Variants in ZBTB40 observed in about 807,000 individuals in gnomAD.
ZBTB40 encodes zinc finger and BTB domain containing 40.
Under a neutral mutation model 117.5 loss-of-function variants are expected in ZBTB40, and 60 were observed. The observed-to-expected ratio is 0.51, with a 90% CI of 0.41 to 0.63. The LOEUF is 0.63. Among genes scored for constraint, ZBTB40 ranks in the 30% least tolerant of loss-of-function variants. The probability of loss-of-function intolerance (pLI) is 0.00; values close to 1 mark genes in which losing one functional copy is unlikely to be tolerated. For missense variants in ZBTB40, 1,287 were observed against 1,498.5 expected (o/e 0.86, Z 2.33); for synonymous variants, 525 against 577.1 (o/e 0.91, Z 1.29).
intron 8 of ZBTB40, 54 bp downstream of exon 8, chr1:22,508,785 T>G: frequency 6.4e-7 from 1 of 1,561,116 alleles, no homozygotes; most frequent in South Asian, 1.1e-5. Context: ...TGACTGTCAG[T>G]CTTCCTAGAA....
intron 1 of ZBTB40, among the ~76,000 whole-genome samples, chr1:22,475,993 T>G (rs1437641909): frequency 6.6e-6 from 1 of 152,210 alleles, no homozygotes; most frequent in African/African-American, 2.4e-5. Flanking sequence ...CCCCTTACCC[T>G]CTAGTAGTAG....
chr1:22,429,981 G>C (rs1184807592), intron 1 of ZBTB40, among the ~76,000 whole-genome samples: 4 of 152,166 alleles, frequency 2.6e-5, no homozygotes, highest in African/African-American at 9.7e-5. Context: ...TGGGCAACAA[G>C]AGTGAAACTC....
intron 9 of ZBTB40, among the ~76,000 whole-genome samples, chr1:22,510,961 A>T (rs577057097): frequency 1.5e-4 from 23 of 152,236 alleles, no homozygotes; most frequent in African/African-American, 5.1e-4. Context: ...TTGCACATTT[A>T]TCTGGATACA....
At chr1:22,482,838 G>A (rs1368773991) in intron 1 of ZBTB40, among the ~76,000 whole-genome samples, 2 of 152,130 alleles carry the variant, frequency 1.3e-5, no homozygotes, top group Admixed American at 1.3e-4. Context: ...CAGCACTTTG[G>A]GAGGCCGAGG....
intron 1 of ZBTB40, among the ~76,000 whole-genome samples, chr1:22,458,185 G>A (rs1641046558): frequency 6.6e-6 from 1 of 152,224 alleles, no homozygotes; most frequent in Non-Finnish European, 1.5e-5. Context: ...GTGGCTTTCA[G>A]CTTCATTCCT....
chr1:22,429,992 C>G (rs1261191056), intron 1 of ZBTB40, among the ~76,000 whole-genome samples: 1 of 151,726 alleles, frequency 6.6e-6, no homozygotes, highest in African/African-American at 2.4e-5. Context: ...AGTGAAACTC[C>G]GTCTCAAAAA....
intron 1 of ZBTB40, among the ~76,000 whole-genome samples, chr1:22,477,648 C>CA (rs773354092): frequency 0.01 from 670 of 66,384 alleles, 1 homozygote; most frequent in East Asian, 0.038. Context: ...GACTCTGTCT[C>CA]AAAAAAAAAA....
Position 22,511,829 on chromosome 1 carries a change from G to A in ZBTB40, c.2156G>A (p.Gly719Glu). The A allele has an allele frequency of 1.2e-6, 2 of 1,614,156 alleles. No homozygotes were observed. The highest frequency in any genetic ancestry group is 1.7e-6 in the Non-Finnish European group (2 of 1,180,016). Residue 719 changes from glycine to glutamate, a missense_variant, in exon 11 of 18, where the codon GGA becomes GAA. Gly to Glu is a moderately conservative substitution (Grantham distance 98). Coordinates refer to ENST00000375647, the MANE Select transcript of ZBTB40 (RefSeq NM_014870.4). ...CAAGGAGAGACTGGTTCCTTGCCAG[G>A]ACAGCAAGAGAAAGAGGCTTCAGCC... ...NDQGETGSLP[G>E]QQEKEASASP...
chr1:22,526,617 C>CA lies in ZBTB40; in HGVS notation c.*222dup, dbSNP rs1283259593. ...CAACAGCACCATCCTCTGTAGCAGA[C>CA]AGGCCTCCCTCCCCACAGGCCCGCT... On this transcript the variant is annotated 3_prime_UTR_variant, in exon 18 of 18. Transcript: ENST00000375647. The CA allele has an allele frequency of 1.7e-6, 1 of 577,540 alleles. No homozygotes were observed. Among genetic ancestry groups the CA allele is most frequent in the Non-Finnish European group, 3.1e-6 (1 of 321,374 alleles). The allele number at this position is 577,540 out of a possible 1,614,324, so 35.8% of individuals were successfully genotyped here.
intron 9 of ZBTB40, among the ~76,000 whole-genome samples, 153 bp downstream of exon 9, chr1:22,509,386 G>A (rs575760003): frequency 2.6e-5 from 4 of 151,768 alleles, no homozygotes; most frequent in South Asian, 2.1e-4. Context: ...TTGCTCTGTC[G>A]CCCAGGCTGC....
rs80194783 is a variant in ZBTB40, at chr1:22,440,551, C to T, written c.-70+11537C>T. On this transcript the variant is annotated intron_variant, in intron 1 of 8. Transcript: ENST00000650433. ...AAAAGTGGAGATCCTTGTCTTGTTC[C>T]TGATCCTAAGGAAGAGCTTTCAGTC... Among the ~76,000 whole-genome samples the T allele has an allele frequency of 1.2e-3, 180 of 152,282 alleles. 3 individuals are homozygous for T. The East Asian group carries it at 0.031, about 27-fold the overall frequency.
rs372905476 is a variant in ZBTB40 at position 22,469,558 on chromosome 1, T to A, written c.-70+17554T>A. Among the ~76,000 whole-genome samples the A allele has an allele frequency of 3.9e-4, 59 of 152,216 alleles. 1 individual carries two copies. Among genetic ancestry groups the A allele is most frequent in the African/African-American group, 1.3e-3 (56 of 41,522 alleles). On this transcript the variant is annotated intron_variant, in intron 1 of 17. Transcript: ENST00000375647. ...TGATAGGGTTTTTTTGTTTTTTTGT[T>A]TTTTGTTTTTTTTTATGAGACGGAG...
chr1:22,496,946 C>T (rs898544671), intron 3 of ZBTB40, among the ~76,000 whole-genome samples: 2 of 152,184 alleles, frequency 1.3e-5, no homozygotes, highest in Non-Finnish European at 2.9e-5. Flanking sequence ...GTAGGGAAAC[C>T]GGCAGTGCAG....
intron 6 of ZBTB40, among the ~76,000 whole-genome samples, chr1:22,507,731 A>G (rs1231732321): frequency 1.3e-5 from 2 of 152,204 alleles, no homozygotes; most frequent in East Asian, 1.9e-4. Flanking sequence ...ACAGCCTTCT[A>G]ATTACCCCCC....
Position 22,491,523 on chromosome 1 carries a change from C to T in ZBTB40, c.821C>T (p.Pro274Leu), listed in dbSNP as rs1287071577. The change falls in exon 3 of 18, where the codon CCA (proline) becomes CTA (leucine). Residue 274 changes from proline (P) to leucine (L), a missense_variant. Pro to Leu is a moderately conservative substitution (Grantham distance 98). Coordinates refer to ENST00000375647, the MANE Select transcript of ZBTB40 (RefSeq NM_014870.4). ...KLEMCSEIKG[P>L]QKEMIVKCFE... is the part of the protein sequence containing the mutation. ...GAAATGTGTTCAGAAATTAAAGGTCCACAGAAGGAGGTAGGCACCTCTGAC... is the reference window on the plus strand; with the variant it reads ...GAAATGTGTTCAGAAATTAAAGGTCTACAGAAGGAGGTAGGCACCTCTGAC... The T allele has an allele frequency of 6.2e-7, 1 of 1,613,720 alleles. No homozygotes were observed. Among genetic ancestry groups the T allele is most frequent in the East Asian group, 2.2e-5 (1 of 44,856 alleles).
intron 1 of ZBTB40, among the ~76,000 whole-genome samples, chr1:22,466,399 T>C (rs1450051989): frequency 6.6e-6 from 1 of 152,172 alleles, no homozygotes; most frequent in South Asian, 2.1e-4. Context: ...AGATATATAC[T>C]AGGAGTGGAA....
chr1:22,468,643 C>CTT (rs71020424), intron 1 of ZBTB40, among the ~76,000 whole-genome samples: 937 of 28,506 alleles, frequency 0.033, 77 homozygotes, highest in East Asian at 0.13. Context: ...GCCTGGCTGG[C>CTT]TTTTTTTTTT....
rs1639762555 is a variant in ZBTB40 at position 22,529,124 on chromosome 1, T to C, written c.*2728T>C. 6.6e-6 allele frequency: 1 copy of C among 152,410 alleles called. No homozygotes were observed. The allele number at this position is 152,410 out of a possible 1,614,324, so 9.4% of individuals were successfully genotyped here. A position where few individuals can be genotyped will look rare whatever the true frequency, so the allele number is the denominator to read the frequency against. The stretch of plus-strand genomic sequence containing the variant: ...AGGCATGGATCTTATAGGAAAACTT[T>C]CTGACTCTGCTTGGCCATTTTATCC... On this transcript the variant is annotated 3_prime_UTR_variant, in exon 18 of 18. Coordinates refer to ENST00000375647, the MANE Select transcript of ZBTB40 (RefSeq NM_014870.4).
intron 1 of ZBTB40, among the ~76,000 whole-genome samples, chr1:22,445,854 CA>C (rs139091527): frequency 0.89 from 97,619 of 109,258 alleles, 43,500 homozygotes; most frequent in South Asian, 0.96. Context: ...GACTCCGTCT[CA>C]AAAAAAAAAA....
Sources: allele counts gnomAD v4.1 joint callset (sites outside exome capture counted in the v4.1 genomes callset), GRCh38; gene constraint gnomAD v4.1.1; transcripts MANE v1.5; gene names NCBI Gene and HGNC (gene_info 2026-07-23, HGNC 2026-07-21).